Variants in SERINC5 observed in about 807,000 individuals in gnomAD.
The protein encoded by SERINC5 is serine incorporator 5.
In SERINC5, 41 loss-of-function variants were observed where a neutral mutation model predicts 63.1. The observed-to-expected ratio is 0.65, with a 90% CI of 0.51 to 0.84. The LOEUF is 0.84. SERINC5 is among the 40% of genes least tolerant of loss of function. SERINC5 has a pLI of 0.00. For missense variants in SERINC5, 523 were observed against 573.0 expected (o/e 0.91, Z 0.89); for synonymous variants, 222 against 215.2 (o/e 1.03, Z -0.28).
downstream of SERINC5, among the ~76,000 whole-genome samples, chr5:80,137,139 CAAAAAAAAAA>C (rs869035894): frequency 1.3e-4 from 9 of 67,742 alleles, no homozygotes; most frequent in African/African-American, 3.3e-4. Flanking sequence ...GACCCTGTCT[CAAAAAAAAAA>C]AAAAAAAAAA....
intron 11 of SERINC5, among the ~76,000 whole-genome samples, chr5:80,144,808 G>A (rs561780857): frequency 2.0e-5 from 3 of 152,096 alleles, no homozygotes; most frequent in Admixed American, 2.0e-4. Flanking sequence ...TCATAGAACC[G>A]TGTGGCACAT....
chr5:80,252,838 G>A (rs947634018), intron 1 of SERINC5, among the ~76,000 whole-genome samples: 14 of 152,136 alleles, frequency 9.2e-5, no homozygotes, highest in Non-Finnish European at 1.8e-4. Context: ...TTGAAACCCA[G>A]GCCTGAGTCC....
intron 1 of SERINC5, among the ~76,000 whole-genome samples, chr5:80,247,686 C>T (rs959985603): frequency 6.6e-6 from 1 of 152,200 alleles, no homozygotes; most frequent in African/African-American, 2.4e-5. Context: ...CACAAAGACA[C>T]TCCTAAGCCA....
At chr5:80,120,130 G>T (rs768210214) in intron 11 of SERINC5, among the ~76,000 whole-genome samples, 53 of 152,278 alleles carry the variant, frequency 3.5e-4, no homozygotes, top group Admixed American at 2.0e-4. Flanking sequence ...TAAAGTGCCT[G>T]CTCATAGTAG....
chr5:80,171,481 C>A (rs550363302), intron 5 of SERINC5, among the ~76,000 whole-genome samples: 10 of 152,178 alleles, frequency 6.6e-5, no homozygotes, highest in Admixed American at 4.6e-4. Flanking sequence ...AACTGTGCTG[C>A]TTCTTTATCT....
intron 9 of SERINC5, among the ~76,000 whole-genome samples, chr5:80,147,712 T>A (rs1424376090): frequency 6.6e-6 from 1 of 152,184 alleles, no homozygotes. Context: ...TGCTGACTTT[T>A]AATAAATATC....
chr5:80,151,017 C>A, intron 8 of SERINC5, 69 bp from the exon 9 acceptor site: 1 of 1,192,478 alleles, frequency 8.4e-7, no homozygotes, highest in Non-Finnish European at 1.3e-6. Context: ...AAGGGGAAAG[C>A]CGGCTGGCCA....
intron 11 of SERINC5, among the ~76,000 whole-genome samples, chr5:80,122,216 A>ATATATATATAATG (rs1561348089): frequency 1.3e-4 from 9 of 67,488 alleles, no homozygotes; most frequent in African/African-American, 6.4e-4. Flanking sequence ...TATATATAAT[A>ATATATATATAATG]TGAGTTTATT....
chr5:80,222,545 T>G (rs953120453), intron 1 of SERINC5, among the ~76,000 whole-genome samples: 8 of 136,698 alleles, frequency 5.9e-5, no homozygotes, highest in Non-Finnish European at 8.0e-5. Context: ...GTGGGTTTTT[T>G]GTGGGTGAGT....
intron 11 of SERINC5, among the ~76,000 whole-genome samples, chr5:80,128,067 CTT>C (rs1214999381): frequency 6.6e-6 from 1 of 152,140 alleles, no homozygotes; most frequent in East Asian, 1.9e-4. Context: ...GAATCAGTCT[CTT>C]TACTTACCTT....
intron 1 of SERINC5, among the ~76,000 whole-genome samples, chr5:80,224,954 T>TG (rs1299727565): frequency 8.4e-5 from 8 of 95,050 alleles, no homozygotes; most frequent in Non-Finnish European, 1.7e-4. Context: ...TGTTTTTTTT[T>TG]TTTTTAGACA....
intron 1 of SERINC5, among the ~76,000 whole-genome samples, chr5:80,213,712 T>C (rs759388851): frequency 1.3e-5 from 2 of 152,206 alleles, no homozygotes; most frequent in South Asian, 2.1e-4. Flanking sequence ...TCAGTGAACA[T>C]GGATGGCTTC....
chr5:80,158,662 C>T (rs995387462), intron 8 of SERINC5, 174 bp downstream of exon 8: 23 of 574,584 alleles, frequency 4.0e-5, no homozygotes, highest in African/African-American at 3.4e-4. Flanking sequence ...CAAATAAAAA[C>T]AAGTAAGGTG....
chr5:80,204,094 G>A (rs1394885740), intron 1 of SERINC5, among the ~76,000 whole-genome samples: 2 of 152,166 alleles, frequency 1.3e-5, no homozygotes, highest in Non-Finnish European at 1.5e-5. Context: ...GGACCCTTCC[G>A]GACAGTGCCC....
chr5:80,179,343 C>T (rs1159168964), intron 2 of SERINC5, among the ~76,000 whole-genome samples: 1 of 152,158 alleles, frequency 6.6e-6, no homozygotes, highest in Non-Finnish European at 1.5e-5. Flanking sequence ...AAGAGTCTTT[C>T]TCTATTAATA....
intron 11 of SERINC5, among the ~76,000 whole-genome samples, chr5:80,145,258 C>A (rs911387195): frequency 1.3e-5 from 2 of 152,032 alleles, no homozygotes; most frequent in African/African-American, 4.8e-5. Flanking sequence ...GCAGGAGAAT[C>A]ACTTGAACCC....
chr5:80,214,380 GA>G (rs760487845), intron 1 of SERINC5, among the ~76,000 whole-genome samples: 4 of 152,090 alleles, frequency 2.6e-5, no homozygotes, highest in Non-Finnish European at 5.9e-5. Flanking sequence ...CTTATAATTA[GA>G]AAAACATTAC....
intron 6 of SERINC5, 149 bp downstream of exon 6, chr5:80,169,186 C>T: frequency 3.1e-6 from 2 of 638,832 alleles, no homozygotes; most frequent in Non-Finnish European, 5.5e-6. Flanking sequence ...GAGACTGGAG[C>T]CCCACCTTGC....
intron 2 of SERINC5, among the ~76,000 whole-genome samples, chr5:80,199,802 C>T (rs899909363): frequency 5.3e-5 from 8 of 152,160 alleles, no homozygotes; most frequent in African/African-American, 1.7e-4. Flanking sequence ...AGGGATCACA[C>T]TACAACCAGT....
Sources: gnomAD v4.1 joint callset for allele counts (sites outside exome capture counted in the v4.1 genomes callset) on GRCh38, gnomAD v4.1.1 for gene constraint, MANE v1.5 for transcripts, NCBI Gene and HGNC (gene_info 2026-07-23, HGNC 2026-07-21) for gene names.